CD99L2: variants seen among roughly 807,000 people sequenced by gnomAD.
CD99L2 encodes the protein CD99 antigen-like protein 2.
Under a neutral mutation model 27.3 loss-of-function variants are expected in CD99L2, and 24 were observed. That is an observed-to-expected ratio of 0.88 (90% confidence interval 0.64 to 1.24). CD99L2 has a LOEUF of 1.24. Among genes scored for constraint, CD99L2 ranks in the 50% most tolerant of loss-of-function variants. The probability of loss-of-function intolerance (pLI) is 0.00; values close to 1 mark genes in which losing one functional copy is unlikely to be tolerated. For synonymous variants in CD99L2, 97 were observed against 87.9 expected (o/e 1.10, Z -0.58); for missense variants, 255 against 221.6 (o/e 1.15, Z -0.96).
intron 1 of CD99L2, among the ~76,000 whole-genome samples, chrX:150,897,049 T>A (rs2047622944): frequency 8.9e-6 from 1 of 112,459 alleles, no homozygotes; most frequent in Admixed American, 9.4e-5. Context: ...GAGTATCATT[T>A]TTCTAACTTT....
chrX:150,776,096 T>C, intron 9 of CD99L2, 78 bp downstream of exon 9: 1 of 1,136,145 alleles, frequency 8.8e-7, no homozygotes, highest in Non-Finnish European at 1.2e-6. Context: ...TGTGGAGGGA[T>C]CTGGATCTGT....
intron 8 of CD99L2, 57 bp from the exon 9 acceptor site, chrX:150,776,350 G>C: frequency 8.8e-7 from 1 of 1,134,802 alleles, no homozygotes. Context: ...AAGCACCGCA[G>C]GGAGCAGCCT....
At chrX:150,818,898 G>C (rs2046205036) in intron 2 of CD99L2, 1 of 375,678 alleles carries the variant, frequency 2.7e-6, no homozygotes, top group Admixed American at 2.6e-5. Flanking sequence ...TTGGTTATAA[G>C]GGTTCTTACT....
chrX:150,798,976 C>G (rs904053728), intron 4 of CD99L2, among the ~76,000 whole-genome samples: 26 of 112,253 alleles, frequency 2.3e-4, no homozygotes, highest in African/African-American at 8.4e-4. Context: ...GTCTCAAACT[C>G]CTGGACTTAA....
intron 1 of CD99L2, among the ~76,000 whole-genome samples, chrX:150,844,213 CAA>C (rs782565539): frequency 2.7e-5 from 3 of 112,303 alleles, no homozygotes; most frequent in Non-Finnish European, 3.8e-5. Context: ...CAGCTGCTTG[CAA>C]AGACTTGCCT....
chrX:150,866,164 C>T (rs1232324763), intron 1 of CD99L2, among the ~76,000 whole-genome samples: 1 of 111,245 alleles, frequency 9.0e-6, no homozygotes. Flanking sequence ...AGGAATCCTT[C>T]AACTATCAGC....
rs184209976 is a variant in CD99L2, at chrX:150,776,479, G to A, written c.536-186C>T. Among the ~76,000 whole-genome samples the A allele has an allele frequency of 6.5e-3, 727 of 111,794 alleles. 4 individuals are homozygous for A. Among genetic ancestry groups the A allele is most frequent in the Middle Eastern group, 0.014 (3 of 216 alleles). ...CAAAGACATGGTGCCCCTTGGATTT[G>A]CCTAGGACTTCTCGTTTTCTGTAAG... On this transcript the variant is annotated intron_variant, in intron 8 of 10. Transcript: ENST00000370377.
At chrX:150,782,333 G>A (rs1331893138) in intron 7 of CD99L2, among the ~76,000 whole-genome samples, 3 of 111,638 alleles carry the variant, frequency 2.7e-5, no homozygotes, top group Non-Finnish European at 5.7e-5. Context: ...CCAAAACATG[G>A]CTGCCTATGC....
chrX:150,888,904 T>C (rs1286877286), intron 1 of CD99L2, among the ~76,000 whole-genome samples: 1 of 112,026 alleles, frequency 8.9e-6, no homozygotes, highest in African/African-American at 3.2e-5. Flanking sequence ...GAGACAGCCA[T>C]CCTTGCTGCA....
chrX:150,775,528 T>C (rs1557419227), intron 9 of CD99L2, among the ~76,000 whole-genome samples: 1 of 112,598 alleles, frequency 8.9e-6, no homozygotes, highest in Admixed American at 9.3e-5. Context: ...CAGCATGAGA[T>C]GAAAACTGTC....
chrX:150,872,514 C>A (rs2047172820), intron 1 of CD99L2, among the ~76,000 whole-genome samples: 1 of 102,266 alleles, frequency 9.8e-6, no homozygotes, highest in African/African-American at 3.6e-5. Context: ...AGAAAGTTTT[C>A]CTGTGTGTAA....
Position 150,863,813 on chromosome X carries a change from G to A in CD99L2, c.68-32520C>T, listed in dbSNP as rs782609008. Among the ~76,000 whole-genome samples the A allele has an allele frequency of 2.1e-4, 24 of 112,299 alleles. No homozygotes were observed. The South Asian group carries it at 8.9e-3, about 41-fold the overall frequency. On this transcript the variant is annotated intron_variant, in intron 1 of 10. Transcript: ENST00000370377. Reference sequence around the variant, plus strand: ...CCAACAAGAGGTGTTCTTATAAGAAGACACAAACTTGGAAACAGACTCAGG... The same window carrying A: ...CCAACAAGAGGTGTTCTTATAAGAAAACACAAACTTGGAAACAGACTCAGG...
At chrX:150,885,416 A>G (rs782560061) in intron 1 of CD99L2, among the ~76,000 whole-genome samples, 68 of 112,191 alleles carry the variant, frequency 6.1e-4, no homozygotes, top group African/African-American at 2.1e-3. Flanking sequence ...CTTTACATAT[A>G]GGCTTTTCAT....
chrX:150,795,135 A>G, intron 6 of CD99L2, 71 bp downstream of exon 6: 1 of 1,142,340 alleles, frequency 8.8e-7, no homozygotes. Flanking sequence ...CAGCTCTGCC[A>G]GGCCCAAGCT....
At chrX:150,805,420 TTAATAA>T (rs782503798) in intron 4 of CD99L2, among the ~76,000 whole-genome samples, 24 of 110,925 alleles carry the variant, frequency 2.2e-4, no homozygotes, top group Admixed American at 9.6e-5. Context: ...GTGACTATAG[TTAATAA>T]TAATATATTA....
At chrX:150,790,854 T>A (rs782156958) in intron 7 of CD99L2, among the ~76,000 whole-genome samples, 2 of 112,145 alleles carry the variant, frequency 1.8e-5, no homozygotes, top group Non-Finnish European at 3.8e-5. Flanking sequence ...ATATATGGTG[T>A]TATGTACTGA....
In CD99L2 at chrX:150,793,712, A is replaced by G. The variant is rs1557419785; in HGVS notation, c.475T>C (p.Tyr159His). 5.0e-6 allele frequency: 6 copies of G among 1,200,027 alleles called. No homozygotes were observed. The highest frequency in any genetic ancestry group is 6.7e-6 in the Non-Finnish European group (6 of 890,220). ...DLEDIVGGGEYKPDKGKGDGR... is the reference protein window; with the variant it reads ...DLEDIVGGGEHKPDKGKGDGR... Reference sequence around the variant, plus strand: ...CTACCTTTACCCTTGTCAGGTTTGTATTCTCCACCCCCTACTATGTCTTCA... The same window carrying G: ...CTACCTTTACCCTTGTCAGGTTTGTGTTCTCCACCCCCTACTATGTCTTCA... Residue 159 changes from tyrosine to histidine, a missense_variant, in exon 7 of 11, where the codon TAC (tyrosine) becomes CAC (histidine). Physicochemically the swap from Tyr to His is moderately conservative, Grantham distance 83. Transcript: ENST00000370377.
chrX:150,894,554 T>C (rs1422983981), intron 1 of CD99L2, among the ~76,000 whole-genome samples: 2 of 82,782 alleles, frequency 2.4e-5, no homozygotes, highest in African/African-American at 9.1e-5. Context: ...TCAAGTTTAT[T>C]CTTTTATTCT....
At chrX:150,771,932 G>T in intron 9 of CD99L2, 1 of 886,878 alleles carries the variant, frequency 1.1e-6, no homozygotes, top group Non-Finnish European at 1.6e-6. Context: ...AGGGTCCCCA[G>T]CATGGGCCTT....
Sources: allele counts gnomAD v4.1 joint callset (sites outside exome capture counted in the v4.1 genomes callset), GRCh38; gene constraint gnomAD v4.1.1; transcripts MANE v1.5; gene names NCBI Gene and HGNC (gene_info 2026-07-23, HGNC 2026-07-21).